PKNOX2: variants seen among roughly 807,000 people sequenced by gnomAD.
The protein encoded by PKNOX2 is PBX/knotted 1 homeobox 2.
A neutral mutation model predicts 53.1 loss-of-function variants in PKNOX2; 14 were observed. That is an observed-to-expected ratio of 0.26 (90% CI 0.17 to 0.41). The LOEUF (loss-of-function observed/expected upper bound fraction) is 0.41, where lower values mean the gene tolerates loss of function less well. PKNOX2 is among the 10% of genes least tolerant of loss of function. The pLI is 1.00. For missense variants in PKNOX2, 496 were observed against 602.8 expected, an observed-to-expected ratio of 0.82 and a Z score of 1.85; for synonymous variants, 257 against 242.8, an observed-to-expected ratio of 1.06 and a Z score of -0.54.
At chr11:125,292,133 T>A (rs888079869) in intron 2 of PKNOX2, among the ~76,000 whole-genome samples, 4 of 152,230 alleles carry the variant, frequency 2.6e-5, no homozygotes, top group African/African-American at 9.6e-5. Context: ...CTACCCATCA[T>A]ACTTCATCTA....
At position 125,315,597 on chromosome 11, in the gene PKNOX2, C is replaced by A. The variant is rs140729462; in HGVS notation, c.-129-16222C>A. Among the ~76,000 whole-genome samples, 850 of 152,280 alleles carry A rather than the reference C, an allele frequency of 5.6e-3. 6 individuals are homozygous for A. Among genetic ancestry groups the A allele is most frequent in the Non-Finnish European group, 9.0e-3 (613 of 68,028 alleles). ...ACCCCAGGGTGCAGCTGGCAGACTG[C>A]CTTGCAGGGCTGGGAGGGCTGAGTG... On this transcript the variant is annotated intron_variant, in intron 2 of 12. Transcript: ENST00000298282.
At chr11:125,172,963 AG>A (rs1334849731) in intron 1 of PKNOX2, among the ~76,000 whole-genome samples, 1 of 152,216 alleles carries the variant, frequency 6.6e-6, no homozygotes, top group Non-Finnish European at 1.5e-5. Context: ...CTTCATAAAA[AG>A]CAGCATTTAC....
chr11:125,237,177 G>C (rs1302408934), intron 2 of PKNOX2, among the ~76,000 whole-genome samples: 1 of 152,184 alleles, frequency 6.6e-6, no homozygotes, highest in Non-Finnish European at 1.5e-5. Flanking sequence ...CCATGTGACA[G>C]CTCCATGTAG....
chr11:125,381,082 G>A (rs2135343546), intron 5 of PKNOX2, among the ~76,000 whole-genome samples: 1 of 152,322 alleles, frequency 6.6e-6, no homozygotes, highest in Admixed American at 6.5e-5. Flanking sequence ...GGGCAGTGCA[G>A]TGTCTCAGGT....
At chr11:125,279,011 C>G (rs191509644) in intron 2 of PKNOX2, among the ~76,000 whole-genome samples, 3 of 152,192 alleles carry the variant, frequency 2.0e-5, no homozygotes, top group Non-Finnish European at 4.4e-5. Flanking sequence ...CTGGCTGTAC[C>G]TATTCTCTCC....
At chr11:125,406,206 C>T (rs1279161673) in intron 7 of PKNOX2, among the ~76,000 whole-genome samples, 3 of 152,222 alleles carry the variant, frequency 2.0e-5, no homozygotes, top group Non-Finnish European at 2.9e-5. Flanking sequence ...TCCACCGCTG[C>T]TCTGGAAGTT....
chr11:125,221,467 G>A (rs1456332625), intron 1 of PKNOX2, among the ~76,000 whole-genome samples: 2 of 152,220 alleles, frequency 1.3e-5, no homozygotes, highest in Admixed American at 6.5e-5. Context: ...AGGCCCGTCT[G>A]CAGAGTTGGG....
chr11:125,219,044 C>T (rs1940856585), intron 1 of PKNOX2, among the ~76,000 whole-genome samples: 1 of 152,136 alleles, frequency 6.6e-6, no homozygotes, highest in Non-Finnish European at 1.5e-5. Context: ...ATGTCAACTG[C>T]AAAAGTATAG....
chr11:125,389,120 A>G (rs969171609), intron 6 of PKNOX2, among the ~76,000 whole-genome samples: 29 of 152,192 alleles, frequency 1.9e-4, no homozygotes, highest in African/African-American at 6.8e-4. Flanking sequence ...GCTTAAGCCC[A>G]GTAGGCAGAG....
intron 2 of PKNOX2, among the ~76,000 whole-genome samples, chr11:125,268,997 C>T (rs1945575972): frequency 6.6e-6 from 1 of 152,164 alleles, no homozygotes; most frequent in South Asian, 2.1e-4. Flanking sequence ...CTGCTGTTCT[C>T]ATGCCCCTTT....
At chr11:125,227,329 C>T (rs1941786594) in intron 1 of PKNOX2, among the ~76,000 whole-genome samples, 1 of 152,152 alleles carries the variant, frequency 6.6e-6, no homozygotes, top group Admixed American at 6.5e-5. Context: ...AACGCCTTTC[C>T]TCTTGCAAAA....
chr11:125,294,588 C>T (rs1472529764), intron 2 of PKNOX2, among the ~76,000 whole-genome samples: 1 of 152,098 alleles, frequency 6.6e-6, no homozygotes, highest in African/African-American at 2.4e-5. Flanking sequence ...CATGAGTCAG[C>T]CCTCCACAGT....
At chr11:125,419,463 A>C (rs1408005375) in intron 10 of PKNOX2, among the ~76,000 whole-genome samples, 1 of 151,744 alleles carries the variant, frequency 6.6e-6, no homozygotes, top group Non-Finnish European at 1.5e-5. Context: ...AAAAAAAAAA[A>C]AAACAAGAAA....
chr11:125,331,429 T>C (rs1950138000), intron 2 of PKNOX2, among the ~76,000 whole-genome samples: 1 of 146,662 alleles, frequency 6.8e-6, no homozygotes, highest in South Asian at 2.3e-4. Flanking sequence ...AATCTACCAC[T>C]GTCCCCCCTT....
chr11:125,392,011 GGAT>G (rs1205208543), intron 6 of PKNOX2, among the ~76,000 whole-genome samples: 1 of 152,166 alleles, frequency 6.6e-6, no homozygotes, highest in East Asian at 1.9e-4. Context: ...ACAGGATAGA[GGAT>G]GATTTACTAA....
chr11:125,185,153 C>T (rs1956373381), intron 1 of PKNOX2, among the ~76,000 whole-genome samples: 1 of 152,250 alleles, frequency 6.6e-6, no homozygotes, highest in Non-Finnish European at 1.5e-5. Flanking sequence ...TCTTCCTTGT[C>T]CTCAGCCCTG....
chr11:125,202,650 T>C (rs372033929), intron 1 of PKNOX2, among the ~76,000 whole-genome samples: 7 of 152,082 alleles, frequency 4.6e-5, no homozygotes, highest in South Asian at 2.1e-4. Context: ...CCACCTTCCA[T>C]TGGAGCCTTC....
intron 2 of PKNOX2, among the ~76,000 whole-genome samples, chr11:125,328,130 G>C (rs1267492629): frequency 2.6e-5 from 4 of 152,192 alleles, no homozygotes; most frequent in Admixed American, 1.3e-4. Context: ...GAAAGAGACA[G>C]AGGCTGGAGG....
chr11:125,379,220 C>G (rs1438431119), intron 5 of PKNOX2, among the ~76,000 whole-genome samples: 1 of 151,988 alleles, frequency 6.6e-6, no homozygotes, highest in African/African-American at 2.4e-5. Context: ...GCCACCATGT[C>G]TGGCTAATTT....
Sources: gnomAD v4.1 joint callset for allele counts (sites outside exome capture counted in the v4.1 genomes callset) on GRCh38, gnomAD v4.1.1 for gene constraint, MANE v1.5 for transcripts, NCBI Gene and HGNC (gene_info 2026-07-23, HGNC 2026-07-21) for gene names.